The following ZHX2 variants were observed in gnomAD, a reference collection of about 807,000 sequenced individuals.
ZHX2 encodes zinc fingers and homeoboxes protein 2.
Under a neutral mutation model 21.9 loss-of-function variants are expected in ZHX2, and 6 were observed. The ratio of observed to expected loss-of-function variants is 0.27; its 90% CI spans 0.15 to 0.54. The LOEUF (loss-of-function observed/expected upper bound fraction) is 0.54. ZHX2 is among the 20% of genes least tolerant of loss of function. The pLI is 0.95. For missense variants in ZHX2, 908 were observed against 1,090.7 expected, an observed-to-expected ratio of 0.83 and a Z score of 2.36; for synonymous variants, 434 against 437.1, an observed-to-expected ratio of 0.99 and a Z score of 0.09.
At chr8:122,935,157 C>CTT (rs572597772) in intron 2 of ZHX2, among the ~76,000 whole-genome samples, 85 of 147,634 alleles carry the variant, frequency 5.8e-4, no homozygotes, top group African/African-American at 2.0e-3. Flanking sequence ...CTCTCTGTGT[C>CTT]TTTTTTTTTT....
At chr8:122,897,642 C>G (rs549795330) in intron 2 of ZHX2, among the ~76,000 whole-genome samples, 1 of 151,956 alleles carries the variant, frequency 6.6e-6, no homozygotes, top group South Asian at 2.1e-4. Flanking sequence ...ACTAGGTTAG[C>G]ATCCCAGAGT....
At chr8:122,939,407 G>A (rs1449774394) in intron 2 of ZHX2, among the ~76,000 whole-genome samples, 1 of 152,146 alleles carries the variant, frequency 6.6e-6, no homozygotes, top group Non-Finnish European at 1.5e-5. Context: ...GAGAGATTTA[G>A]CCTTGCTTTT....
chr8:122,920,317 A>G (rs1311099433), intron 2 of ZHX2, among the ~76,000 whole-genome samples: 2 of 151,992 alleles, frequency 1.3e-5, no homozygotes, highest in African/African-American at 2.4e-5. Flanking sequence ...CCTGTTGTAT[A>G]TACTTGTGTG....
intron 2 of ZHX2, among the ~76,000 whole-genome samples, chr8:122,883,789 G>T (rs1351195609): frequency 2.0e-5 from 3 of 152,228 alleles, no homozygotes; most frequent in African/African-American, 2.4e-5. Context: ...TTTCTGTGAA[G>T]TTGTGGAAAG....
intron 1 of ZHX2, among the ~76,000 whole-genome samples, chr8:122,832,318 G>A (rs1462099954): frequency 1.3e-5 from 2 of 152,168 alleles, no homozygotes; most frequent in African/African-American, 4.8e-5. Context: ...TTGGCTTGGA[G>A]AGATAGTTTT....
At chr8:122,912,385 C>T (rs1265838220) in intron 2 of ZHX2, among the ~76,000 whole-genome samples, 2 of 152,218 alleles carry the variant, frequency 1.3e-5, no homozygotes, top group Non-Finnish European at 2.9e-5. Context: ...AGCAGCTCCT[C>T]ACAGCCCCAC....
intron 2 of ZHX2, among the ~76,000 whole-genome samples, chr8:122,871,104 T>C (rs1482543093): frequency 6.6e-6 from 1 of 152,166 alleles, no homozygotes; most frequent in Non-Finnish European, 1.5e-5. Context: ...ATTCACATCC[T>C]GGCCCAGCCA....
chr8:122,921,532 G>T (rs893950391), intron 2 of ZHX2, among the ~76,000 whole-genome samples: 2 of 152,136 alleles, frequency 1.3e-5, no homozygotes, highest in Admixed American at 6.5e-5. Flanking sequence ...AAAAAGAAGC[G>T]TGGGCGTGGT....
At chr8:122,920,705 G>A (rs757499650) in intron 2 of ZHX2, among the ~76,000 whole-genome samples, 12 of 152,104 alleles carry the variant, frequency 7.9e-5, no homozygotes, top group Non-Finnish European at 1.3e-4. Context: ...CCTGCCACCC[G>A]GCAGGCCACG....
At chr8:122,836,734 G>C (rs375097643) in intron 1 of ZHX2, among the ~76,000 whole-genome samples, 2 of 152,156 alleles carry the variant, frequency 1.3e-5, no homozygotes, top group Admixed American at 1.3e-4. Context: ...GGTGTCTTCC[G>C]GCCGGCTTTC....
intron 2 of ZHX2, among the ~76,000 whole-genome samples, chr8:122,890,226 G>A (rs117606821): frequency 0.02 from 3,045 of 152,134 alleles, 58 homozygotes; most frequent in Middle Eastern, 0.044. Flanking sequence ...TCATTTTCCT[G>A]ATGTAGGTTC....
At chr8:122,795,410 A>G (rs1817597285) in intron 1 of ZHX2, among the ~76,000 whole-genome samples, 1 of 152,214 alleles carries the variant, frequency 6.6e-6, no homozygotes, top group Admixed American at 6.5e-5. Flanking sequence ...TCTGGGCGCA[A>G]GCTGGGTCCA....
At chr8:122,801,481 T>C (rs1452029564) in intron 1 of ZHX2, among the ~76,000 whole-genome samples, 2 of 151,904 alleles carry the variant, frequency 1.3e-5, no homozygotes, top group East Asian at 3.9e-4. Flanking sequence ...ACACGGTGGC[T>C]TACATCTGTA....
intron 2 of ZHX2, among the ~76,000 whole-genome samples, chr8:122,864,861 T>C (rs1267142934): frequency 2.0e-5 from 3 of 152,160 alleles, no homozygotes; most frequent in Non-Finnish European, 2.9e-5. Context: ...GTCTGAATAA[T>C]GAGCACACGG....
At chr8:122,860,313 G>A (rs147313884) in intron 1 of ZHX2, among the ~76,000 whole-genome samples, 1 of 152,224 alleles carries the variant, frequency 6.6e-6, no homozygotes, top group African/African-American at 2.4e-5. Context: ...TTCAAGATGA[G>A]ATTTGGGTGG....
intron 1 of ZHX2, among the ~76,000 whole-genome samples, chr8:122,796,946 T>C (rs1287757127): frequency 6.6e-6 from 1 of 152,170 alleles, no homozygotes; most frequent in East Asian, 1.9e-4. Context: ...AAGGAAAGAT[T>C]TGTGTCCTCC....
intron 2 of ZHX2, among the ~76,000 whole-genome samples, chr8:122,930,650 T>TTG (rs1820964255): frequency 6.6e-6 from 1 of 151,808 alleles, no homozygotes; most frequent in African/African-American, 2.4e-5. Flanking sequence ...TTTTGTTTTT[T>TTG]TTTTTTTTTT....
chr8:122,956,195 G>A (rs1406181012), intron 3 of ZHX2, among the ~76,000 whole-genome samples: 2 of 152,078 alleles, frequency 1.3e-5, no homozygotes, highest in Non-Finnish European at 2.9e-5. Flanking sequence ...TGTCTACATG[G>A]TTGCTTTTTC....
intron 1 of ZHX2, among the ~76,000 whole-genome samples, chr8:122,858,189 T>C (rs1048272024): frequency 4.6e-5 from 7 of 152,212 alleles, no homozygotes; most frequent in African/African-American, 1.4e-4. Flanking sequence ...CTTCTCTGTC[T>C]CTCTCGTGTG....
Sources: gnomAD v4.1 joint callset for allele counts (sites outside exome capture counted in the v4.1 genomes callset) on GRCh38, gnomAD v4.1.1 for gene constraint, MANE v1.5 for transcripts, NCBI Gene and HGNC (gene_info 2026-07-23, HGNC 2026-07-21) for gene names.